AHNAK2: variants seen among roughly 807,000 people sequenced by gnomAD.
AHNAK2 encodes AHNAK nucleoprotein 2.
Under a neutral mutation model 30.7 loss-of-function variants are expected in AHNAK2, and 18 were observed. The observed-to-expected ratio is 0.59, with a 90% CI of 0.41 to 0.87. The LOEUF is 0.87. Among genes scored for constraint, AHNAK2 ranks in the 40% least tolerant of loss-of-function variants. The pLI, the probability that AHNAK2 is intolerant of heterozygous loss-of-function variation, is 0.00. For missense variants in AHNAK2, 8,604 were observed against 7,373.0 expected (o/e 1.17, Z -6.11); for synonymous variants, 3,590 against 3,073.8 (o/e 1.17, Z -5.56).
rs1288056077 is a variant in AHNAK2, at chr14:104,943,324, C to G, written c.12127G>C (p.Glu4043Gln). 6.2e-7 allele frequency: 1 copy of G among 1,611,514 alleles called. No individual in the cohort carries two copies. Among genetic ancestry groups the G allele is most frequent in the African/African-American group, 1.3e-5 (1 of 74,286 alleles). The change falls in exon 7 of 7, where the codon GAG becomes CAG. Residue 4043 changes from glutamate to glutamine, a missense_variant. Coordinates refer to ENST00000333244, the MANE Select transcript of AHNAK2 (RefSeq NM_138420.4). ...DVKLPEGPVP[E>Q]GASLKGHLPK... is the part of the protein sequence containing the mutation. ...AGGTGCCCTTTGAGGCTGGCTCCCT[C>G]GGGCACGGGGCCCTCTGGGAGTTTC...
At chr14:104,968,087 T>C (rs1185472661) in intron 1 of AHNAK2, among the ~76,000 whole-genome samples, 1 of 152,210 alleles carries the variant, frequency 6.6e-6, no homozygotes, top group Non-Finnish European at 1.5e-5. Context: ...CAGGCCCAGC[T>C]GGTCAGGCCG....
chr14:104,957,797 G>T, intron 1 of AHNAK2, 125 bp from the exon 2 acceptor site: 1 of 996,170 alleles, frequency 1.0e-6, no homozygotes, highest in Non-Finnish European at 1.5e-6. Flanking sequence ...ACACTGGATC[G>T]GAGAGCAAAC....
In AHNAK2 at chr14:104,954,531, T is replaced by C; in HGVS notation, c.920A>G (p.Glu307Gly). 6.2e-7 allele frequency: 1 copy of C among 1,610,946 alleles called. No individual in the cohort carries two copies. The highest frequency in any genetic ancestry group is 8.5e-7 in the Non-Finnish European group (1 of 1,179,078). The change falls in exon 7 of 7, where the codon GAG becomes GGG. Residue 307 changes from glutamate to glycine, a missense_variant. Physicochemically the swap from Glu to Gly is moderately conservative, Grantham distance 98. Transcript: ENST00000333244. The surrounding 1 kb of genome is among the most constrained non-coding windows in gnomAD (Gnocchi z 4.3). ...CGGCCCTGCCTTCTGCTCTTGGCGCTCCACCGTGAGCTGGGCCTCTGTGTC... is the reference window on the plus strand; with the variant it reads ...CGGCCCTGCCTTCTGCTCTTGGCGCCCCACCGTGAGCTGGGCCTCTGTGTC... ...STDTEAQLTVERQEQKAGPGS... is the reference protein window; with the variant it reads ...STDTEAQLTVGRQEQKAGPGS...
chr14:104,952,301 A>C lies in AHNAK2; in HGVS notation c.3150T>G (p.Pro1050=). The C allele has an allele frequency of 1.2e-6, 2 of 1,608,214 alleles. No homozygotes were observed. The highest frequency in any genetic ancestry group is 1.7e-6 in the Non-Finnish European group (2 of 1,177,622). ...DLKTTDLSIQ[P]ASTDLKVQAD... is the part of the protein sequence containing the mutation. The stretch of plus-strand genomic sequence containing the variant: ...CCTGGACCTTCAGGTCAGTAGAAGC[A>C]GGCTGAATGCTGAGGTCAGTGGTCT... Residue 1050 remains proline (P), a synonymous_variant, in exon 7 of 7, where the codon CCT becomes CCG. Coordinates refer to ENST00000333244, the MANE Select transcript of AHNAK2 (RefSeq NM_138420.4).
rs1312775689 is a variant in AHNAK2 at position 104,940,256 on chromosome 14, G to C, written c.15195C>G (p.Ser5065Arg). The C allele has an allele frequency of 7.4e-6, 12 of 1,613,686 alleles. No individual in the cohort carries two copies. The highest frequency in any genetic ancestry group is 5.5e-5 in the South Asian group (5 of 91,080). Residue 5065 changes from serine (S) to arginine (R), a missense_variant, in exon 7 of 7, where the codon AGC becomes AGG. Ser to Arg is a moderately radical substitution (Grantham distance 110). Coordinates refer to ENST00000333244, the MANE Select transcript of AHNAK2 (RefSeq NM_138420.4). This position sits in a 1 kb window ranked among gnomAD's most constrained non-coding sequence, Gnocchi z 4.4. ...GGSFQDTEKASSDGGRGGLGA... is the reference protein window; with the variant it reads ...GGSFQDTEKARSDGGRGGLGA... Reference sequence around the variant, plus strand: ...CAAGTCCTCCCCTACCACCGTCACTGCTGGCCTTTTCTGTGTCTTGAAAGC... The same window carrying C: ...CAAGTCCTCCCCTACCACCGTCACTCCTGGCCTTTTCTGTGTCTTGAAAGC...
intron 1 of AHNAK2, among the ~76,000 whole-genome samples, chr14:104,976,399 G>A (rs1303399240): frequency 6.6e-6 from 1 of 152,174 alleles, no homozygotes; most frequent in African/African-American, 2.4e-5. Context: ...GCAGGGGAGA[G>A]TCCGCCCATC....
At chr14:104,974,011 T>C (rs1336147295) in intron 1 of AHNAK2, among the ~76,000 whole-genome samples, 1 of 143,510 alleles carries the variant, frequency 7.0e-6, no homozygotes, top group Non-Finnish European at 1.5e-5. Context: ...CTCAGCTCCA[T>C]GTTTCCATTT....
chr14:104,968,208 G>A (rs1209408684), intron 1 of AHNAK2, among the ~76,000 whole-genome samples: 1 of 152,214 alleles, frequency 6.6e-6, no homozygotes, highest in African/African-American at 2.4e-5. Flanking sequence ...GAACCTTGTG[G>A]AGGGACCCCG....
intron 1 of AHNAK2, among the ~76,000 whole-genome samples, chr14:104,977,144 C>T (rs1466055693): frequency 6.6e-6 from 1 of 152,216 alleles, no homozygotes; most frequent in Non-Finnish European, 1.5e-5. Flanking sequence ...CAGGGGCACC[C>T]CTCTCACCTG....
chr14:104,975,765 C>T (rs113456221), intron 1 of AHNAK2, among the ~76,000 whole-genome samples: 152 of 152,304 alleles, frequency 1.0e-3, no homozygotes, highest in African/African-American at 3.2e-3. Flanking sequence ...CAGACCCGCC[C>T]GCGCTGTCAC....
rs750858204 is a variant in AHNAK2 at position 104,946,979 on chromosome 14, C to T, written c.8472G>A (p.Gly2824=). ...CGATGGACTTGCCTGGGGCCGACAC[C>T]CCGAATGACGGCATCTTGAACTTGG... ...KMPKFKMPSF[G]VSAPGKSIEA... Residue 2824 remains glycine (G), a synonymous_variant, in exon 7 of 7, where the codon GGG becomes GGA. Coordinates refer to ENST00000333244, the MANE Select transcript of AHNAK2 (RefSeq NM_138420.4). 1.9e-6 allele frequency: 3 copies of T among 1,612,692 alleles called. No homozygotes were observed. Among genetic ancestry groups the T allele is most frequent in the Non-Finnish European group, 2.5e-6 (3 of 1,179,662 alleles).
Position 104,947,790 on chromosome 14 carries a change from C to T in AHNAK2, c.7661G>A (p.Gly2554Asp), listed in dbSNP as rs1323073457. Residue 2554 changes from glycine (G) to aspartate (D), a missense_variant, in exon 7 of 7, where the codon GGC becomes GAC. Gly to Asp is a moderately conservative substitution (Grantham distance 94, BLOSUM62 -1). Coordinates refer to ENST00000333244, the MANE Select transcript of AHNAK2 (RefSeq NM_138420.4). ...AGQVDVKLPE[G>D]PVPEGAGLKG... ...GAGGCCGGCTCCCTCCGGCACAGGGCCCTCTGGGAGTTTCACGTCCACTTG... is the reference window on the plus strand; with the variant it reads ...GAGGCCGGCTCCCTCCGGCACAGGGTCCTCTGGGAGTTTCACGTCCACTTG... 3.7e-6 allele frequency: 6 copies of T among 1,612,626 alleles called. No homozygotes were observed. Among genetic ancestry groups the T allele is most frequent in the Non-Finnish European group, 5.1e-6 (6 of 1,179,612 alleles).
chr14:104,937,733 A>C lies in AHNAK2; in HGVS notation c.*330T>G. 3.6e-6 allele frequency: 1 copy of C among 279,008 alleles called. No individual in the cohort carries two copies. Among genetic ancestry groups the C allele is most frequent in the East Asian group, 7.0e-5 (1 of 14,334 alleles). 17.3% of individuals were successfully genotyped at this position (279,008 alleles called of 1,614,324 possible). A position where few individuals can be genotyped will look rare whatever the true frequency, so the allele number is the denominator to read the frequency against. On this transcript the variant is annotated 3_prime_UTR_variant, in exon 7 of 7. Transcript: ENST00000333244. ...AAGAAACAGTCATGTTCTGTTGGGT[A>C]TTATGGACAGGTCTCTGGAAATTTA...
rs774461079 is a variant in AHNAK2 at position 104,946,557 on chromosome 14, G to C, written c.8894C>G (p.Ser2965Cys). Residue 2965 changes from serine (S) to cysteine (C), a missense_variant, in exon 7 of 7, where the codon TCC becomes TGC. Ser to Cys is a moderately radical substitution (Grantham distance 112). Coordinates refer to ENST00000333244, the MANE Select transcript of AHNAK2 (RefSeq NM_138420.4). ...LDGARLEGDL[S>C]LADKDVTAKD... ...GGCAGTCACATCCTTGTCGGCCAGGGACAGGTCACCCTCCAGCCGTGCACC... is the reference window on the plus strand; with the variant it reads ...GGCAGTCACATCCTTGTCGGCCAGGCACAGGTCACCCTCCAGCCGTGCACC... The C allele has an allele frequency of 6.2e-7, 1 of 1,612,674 alleles. No homozygotes were observed. The highest frequency in any genetic ancestry group is 1.1e-5 in the South Asian group (1 of 91,020).
In AHNAK2 at chr14:104,938,791, G is replaced by A; in HGVS notation, c.16660C>T (p.Gln5554Ter). The change falls in exon 7 of 7, where the codon CAA (glutamine) becomes TAA (stop). Residue 5554 changes from glutamine to a stop codon, truncating the protein, a stop_gained. Transcript: ENST00000333244. LOFTEE classifies it low-confidence loss of function (END_TRUNC). Reference sequence around the variant, plus strand: ...ATGGAGTCTACTCCTGGGGTGGCTTGTATGGGAGCCTCTTCTGTGCCCTCC... The same window carrying A: ...ATGGAGTCTACTCCTGGGGTGGCTTATATGGGAGCCTCTTCTGTGCCCTCC... ...TQEGTEEAPI[Q>*]ATPGVDSISG... 2 of 1,613,984 alleles carry A rather than the reference G, an allele frequency of 1.2e-6. No individual in the cohort carries two copies. Among genetic ancestry groups the A allele is most frequent in the Middle Eastern group, 1.7e-4 (1 of 6,060 alleles).
rs760405983 is a variant in AHNAK2 at position 104,947,589 on chromosome 14, G to A, written c.7862C>T (p.Pro2621Leu). The A allele has an allele frequency of 3.1e-6, 5 of 1,612,724 alleles. No individual in the cohort carries two copies. Among genetic ancestry groups the A allele is most frequent in the East Asian group, 4.5e-5 (2 of 44,778 alleles). The change falls in exon 7 of 7, where the codon CCG becomes CTG. Residue 2621 changes from proline to leucine, a missense_variant. Coordinates refer to ENST00000333244, the MANE Select transcript of AHNAK2 (RefSeq NM_138420.4). Reference protein sequence around the residue: ...LSSMEVDVQAPRAKLDGARLE... With the variant: ...LSSMEVDVQALRAKLDGARLE... Reference sequence around the variant, plus strand: ...CCGCGCACCATCCAGCTTTGCTCTCGGGGCCTGGACGTCCACCTCCATGCT... The same window carrying A: ...CCGCGCACCATCCAGCTTTGCTCTCAGGGCCTGGACGTCCACCTCCATGCT...
In AHNAK2 at chr14:104,945,618, A is replaced by T. The variant is rs757266495; in HGVS notation, c.9833T>A (p.Val3278Asp). 3 of 1,591,044 alleles carry T rather than the reference A, an allele frequency of 1.9e-6. No homozygotes were observed. In the African/African-American group the frequency reaches 4.1e-5, roughly 22 times the overall value. ...ATCCAACTTGGCTCCTGGGGCCTCG[A>T]CGTCCACCTCCATGCTGGGCTGAGA... ...EVSQPSMEVD[V>D]EAPGAKLDGA... Residue 3278 changes from valine (V) to aspartate (D), a missense_variant, in exon 7 of 7, where the codon GTC (valine) becomes GAC (aspartate). Coordinates refer to ENST00000333244, the MANE Select transcript of AHNAK2 (RefSeq NM_138420.4).
Position 104,946,587 on chromosome 14 carries a change from A to T in AHNAK2, c.8864T>A (p.Leu2955Gln). 4.3e-6 allele frequency: 7 copies of T among 1,612,572 alleles called. No homozygotes were observed. Among genetic ancestry groups the T allele is most frequent in the Non-Finnish European group, 5.9e-6 (7 of 1,179,536 alleles). Reference protein sequence around the residue: ...EVDVEAPRAKLDGARLEGDLS... With the variant: ...EVDVEAPRAKQDGARLEGDLS... ...GTCACCCTCCAGCCGTGCACCATCC[A>T]GCTTTGCTCTCGGGGCCTCGACGTC... The change falls in exon 7 of 7, where the codon CTG (leucine) becomes CAG (glutamine). Residue 2955 changes from leucine (L) to glutamine (Q), a missense_variant. Coordinates refer to ENST00000333244, the MANE Select transcript of AHNAK2 (RefSeq NM_138420.4).
rs776355722 is a variant in AHNAK2, at chr14:104,952,675, T to A, written c.2776A>T (p.Met926Leu). Residue 926 changes from methionine to leucine, a missense_variant, in exon 7 of 7, where the codon ATG (methionine) becomes TTG (leucine). Coordinates refer to ENST00000333244, the MANE Select transcript of AHNAK2 (RefSeq NM_138420.4). Reference protein sequence around the residue: ...LPKVEMPSFKMPKVDLKGPQI... With the variant: ...LPKVEMPSFKLPKVDLKGPQI... ...GGGCCCTTGAGGTCCACTTTGGGCATCTTGAAACTGGGCATCTCCACTTTG... is the reference window on the plus strand; with the variant it reads ...GGGCCCTTGAGGTCCACTTTGGGCAACTTGAAACTGGGCATCTCCACTTTG... The A allele has an allele frequency of 1.2e-6, 2 of 1,612,378 alleles. No individual in the cohort carries two copies. Among genetic ancestry groups the A allele is most frequent in the Middle Eastern group, 1.7e-4 (1 of 6,054 alleles).
Sources: allele counts gnomAD v4.1 joint callset (sites outside exome capture counted in the v4.1 genomes callset), GRCh38; gene constraint gnomAD v4.1.1; non-coding constraint Gnocchi (gnomAD v3.1); transcripts MANE v1.5; gene names NCBI Gene and HGNC (gene_info 2026-07-23, HGNC 2026-07-21).